The following FXN variants were observed in gnomAD, a reference collection of about 807,000 sequenced individuals.
The protein encoded by FXN is frataxin, mitochondrial.
FXN carries 14 observed loss-of-function variants against 22.4 expected under a neutral mutation model. The ratio of observed to expected loss-of-function variants is 0.62; its 90% CI spans 0.41 to 0.98. The LOEUF (loss-of-function observed/expected upper bound fraction) is 0.98, where lower values mean the gene tolerates loss of function less well. Ranked by LOEUF, FXN falls within the 50% of genes least tolerant of loss-of-function variation. The pLI is 0.00. For synonymous variants in FXN, 120 were observed against 114.1 expected (o/e 1.05, Z -0.33); for missense variants, 267 against 268.4 (o/e 0.99, Z 0.04).
Position 69,078,480 on chromosome 9 carries a change from T to A in FXN, c.*5718T>A. The A allele has an allele frequency of 2.0e-6, 2 of 983,572 alleles. No individual in the cohort carries two copies. Among genetic ancestry groups the A allele is most frequent in the Non-Finnish European group, 2.4e-6 (2 of 829,398 alleles). The allele number at this position is 983,572 out of a possible 1,614,324, so 60.9% of individuals were successfully genotyped here. ...CAGCCCATCATCTAGCTACACAGTC[T>A]CCAGGGTAAGCTTTCAGAAAGGCAA... On this transcript the variant is annotated 3_prime_UTR_variant, in exon 5 of 5. Transcript: ENST00000484259.
intron 2 of FXN, 99 bp from the exon 3 acceptor site, chr9:69,053,041 C>T: frequency 8.2e-7 from 1 of 1,222,574 alleles, no homozygotes; most frequent in Non-Finnish European, 1.1e-6. Context: ...ATGTTATTTT[C>T]ATCAATTTAA....
At chr9:69,045,453 T>C (rs1374553219) in intron 1 of FXN, among the ~76,000 whole-genome samples, 1 of 151,810 alleles carries the variant, frequency 6.6e-6, no homozygotes, top group Admixed American at 6.6e-5. Context: ...AAAAATCGGG[T>C]GCGGTGGCGG....
In FXN at chr9:69,072,761, G is replaced by C; in HGVS notation, c.632G>C (p.Ter211SerextTer6). 6.2e-7 allele frequency: 1 copy of C among 1,614,140 alleles called. No individual in the cohort carries two copies. Among genetic ancestry groups the C allele is most frequent in the Non-Finnish European group, 8.5e-7 (1 of 1,180,014 alleles). Residue 211 changes from the stop codon to serine, a stop_lost, in exon 5 of 5, where the codon TGA becomes TCA. Transcript: ENST00000484259. ...TTGGCCTATTCCGGAAAAGATGCTT[G>C]ATGCCCAGCCCCGTTTTAAGGACAT... ...SSLAYSGKDA[*>S]
intron 3 of FXN, among the ~76,000 whole-genome samples, chr9:69,055,533 A>C (rs1831942973): frequency 6.8e-6 from 1 of 146,038 alleles, no homozygotes; most frequent in South Asian, 2.1e-4. Context: ...TAGCTCTGTC[A>C]CCCAGGCTGG....
Position 69,076,074 on chromosome 9 carries a change from T to C in FXN, c.*3312T>C. ...CTCAGCCACATAGAAAATAAAATGT[T>C]CTGGCATGACTTATTTAGCTCTCTG... On this transcript the variant is annotated 3_prime_UTR_variant, in exon 5 of 5. Coordinates refer to ENST00000484259, the MANE Select transcript of FXN (RefSeq NM_000144.5). The C allele has an allele frequency of 3.0e-6, 3 of 984,584 alleles. No homozygotes were observed. Among genetic ancestry groups the C allele is most frequent in the Non-Finnish European group, 3.6e-6 (3 of 829,160 alleles). 61.0% of individuals were successfully genotyped at this position (984,584 alleles called of 1,614,324 possible).
At chr9:69,068,573 C>T (rs1023671996) in intron 4 of FXN, among the ~76,000 whole-genome samples, 3 of 152,214 alleles carry the variant, frequency 2.0e-5, no homozygotes, top group Non-Finnish European at 2.9e-5. Flanking sequence ...CTCCTGTGGG[C>T]GGCAGTGCTA....
intron 1 of FXN, chr9:69,043,387 A>G (rs926838729): frequency 6.6e-6 from 1 of 152,224 alleles, no homozygotes; most frequent in South Asian, 2.1e-4. Context: ...GGCATGAGTT[A>G]AGGTGCTGTT....
At chr9:69,046,026 T>A (rs1403829334) in intron 1 of FXN, among the ~76,000 whole-genome samples, 1 of 151,982 alleles carries the variant, frequency 6.6e-6, no homozygotes, top group Admixed American at 6.6e-5. Context: ...CCACTGGAGG[T>A]GAAAGTTCCG....
At chr9:69,056,588 C>T (rs1397113745) in intron 3 of FXN, among the ~76,000 whole-genome samples, 2 of 152,204 alleles carry the variant, frequency 1.3e-5, no homozygotes, top group African/African-American at 2.4e-5. Flanking sequence ...GATCGCACCA[C>T]TGTTCTCCAG....
intron 1 of FXN, 28 bp downstream of exon 1, chr9:69,035,975 G>A: frequency 8.5e-6 from 12 of 1,415,342 alleles, no homozygotes; most frequent in South Asian, 2.8e-5. Context: ...GAACAGCCGC[G>A]GGCCGCACGC....
At chr9:69,065,935 A>G (rs1832158762) in intron 4 of FXN, among the ~76,000 whole-genome samples, 1 of 152,164 alleles carries the variant, frequency 6.6e-6, no homozygotes, top group Non-Finnish European at 1.5e-5. Flanking sequence ...TGGAGGTGGT[A>G]GAGTGTTATA....
chr9:69,073,032 T>C lies in FXN; in HGVS notation c.*270T>C. 2 of 1,335,838 alleles carry C rather than the reference T, an allele frequency of 1.5e-6. No homozygotes were observed. Among genetic ancestry groups the C allele is most frequent in the Non-Finnish European group, 1.9e-6 (2 of 1,044,090 alleles). 82.7% of individuals were successfully genotyped at this position (1,335,838 alleles called of 1,614,324 possible). ...ACCCCTTATCTTTTATAATGTCTTA[T>C]GCCTATACCTGAATATAACAACCTT... On this transcript the variant is annotated 3_prime_UTR_variant, in exon 5 of 5. Coordinates refer to ENST00000484259, the MANE Select transcript of FXN (RefSeq NM_000144.5).
At chr9:69,052,577 CTG>C (rs1269246825) in intron 2 of FXN, among the ~76,000 whole-genome samples, 1 of 124,130 alleles carries the variant, frequency 8.1e-6, no homozygotes, top group Non-Finnish European at 1.6e-5. Flanking sequence ...GAGTCTCGCT[CTG>C]TCGCCCAGGC....
intron 4 of FXN, among the ~76,000 whole-genome samples, chr9:69,068,078 C>G (rs1041851224): frequency 6.6e-6 from 1 of 152,150 alleles, no homozygotes. Flanking sequence ...TAGGTGGGAC[C>G]GGGCTTCCCT....
At chr9:69,047,751 C>G (rs959656866) in intron 2 of FXN, among the ~76,000 whole-genome samples, 1 of 151,840 alleles carries the variant, frequency 6.6e-6, no homozygotes, top group Non-Finnish European at 1.5e-5. Flanking sequence ...GAAATCACAC[C>G]CTGAGACCCA....
chr9:69,049,034 C>T lies in FXN; in HGVS notation c.263+2552C>T, dbSNP rs191963668. ...GACTCTCTGCTGCTTTCCCCTTACT[C>T]CTTCTGGCAGTTCTGGGAGGTTGCA... On this transcript the variant is annotated intron_variant, in intron 2 of 4. Transcript: ENST00000484259. Among the ~76,000 whole-genome samples the T allele has an allele frequency of 2.2e-3, 336 of 152,312 alleles. 4 individuals carry two copies. The highest frequency in any genetic ancestry group is 7.3e-3 in the African/African-American group (305 of 41,558).
intron 4 of FXN, 47 bp from the exon 5 acceptor site, chr9:69,072,562 ATCT>A: frequency 6.2e-7 from 1 of 1,612,884 alleles, no homozygotes; most frequent in South Asian, 1.1e-5. Flanking sequence ...TCAGTGGTTC[ATCT>A]GAAGGGCTGT....
intron 4 of FXN, 86 bp from the exon 5 acceptor site, chr9:69,072,526 A>G (rs1215629770): frequency 8.1e-6 from 13 of 1,607,996 alleles, no homozygotes; most frequent in Non-Finnish European, 1.1e-5. Flanking sequence ...ACTCCAGTCA[A>G]TTTCTTGGGG....
intron 1 of FXN, among the ~76,000 whole-genome samples, chr9:69,039,525 C>G (rs941857075): frequency 1.7e-4 from 26 of 152,188 alleles, no homozygotes; most frequent in African/African-American, 6.3e-4. Flanking sequence ...CCTTACCTAC[C>G]TGGAGGCTGG....
Sources: gnomAD v4.1 joint callset for allele counts (sites outside exome capture counted in the v4.1 genomes callset) on GRCh38, gnomAD v4.1.1 for gene constraint, MANE v1.5 for transcripts, NCBI Gene and HGNC (gene_info 2026-07-23, HGNC 2026-07-21) for gene names.